QTMAN: variants seen among roughly 807,000 people sequenced by gnomAD.
QTMAN encodes the protein queuosine-tRNA mannosyltransferase.
At chr2:144,005,094 G>A in the QTMAN span, among the ~76,000 whole-genome samples, 1 of 151,944 alleles carries the variant, frequency 6.6e-6, no homozygotes, top group Admixed American at 6.6e-5. Flanking sequence ...GGCTCGCTTA[G>A]GTAATGGCAA....
At chr2:143,943,927 G>A in the QTMAN span, 1 of 152,136 alleles carries the variant, frequency 6.6e-6, no homozygotes, top group African/African-American at 2.4e-5. Context: ...TAAGTTTAGG[G>A]CAAGCTGTAT....
At chr2:144,031,168 T>A in the QTMAN span, among the ~76,000 whole-genome samples, 2 of 151,782 alleles carry the variant, frequency 1.3e-5, no homozygotes, top group African/African-American at 4.9e-5. Flanking sequence ...ACAATTGATC[T>A]GGGATGGGGC....
the QTMAN span, among the ~76,000 whole-genome samples, chr2:144,298,853 G>A: frequency 1.8e-4 from 27 of 152,152 alleles, no homozygotes; most frequent in Non-Finnish European, 1.8e-4. Flanking sequence ...CTCTTCCAAT[G>A]GTATACTCCT....
At chr2:144,031,339 C>T in the QTMAN span, among the ~76,000 whole-genome samples, 1 of 152,002 alleles carries the variant, frequency 6.6e-6, no homozygotes, top group Non-Finnish European at 1.5e-5. Flanking sequence ...AGGCCATAAC[C>T]TCAGAAGAGA....
At chr2:144,163,312 C>T in the QTMAN span, among the ~76,000 whole-genome samples, 1 of 151,634 alleles carries the variant, frequency 6.6e-6, no homozygotes. Flanking sequence ...AAAATATTAA[C>T]AATAAAACTT....
the QTMAN span, among the ~76,000 whole-genome samples, chr2:144,019,435 G>GGTGTGTGTGTGT: frequency 0.031 from 3,668 of 117,112 alleles, 115 homozygotes; most frequent in East Asian, 0.045. Context: ...TAAGCATGCA[G>GGTGTGTGTGTGT]GTGTGTGTGT....
At chr2:144,252,987 A>C in the QTMAN span, among the ~76,000 whole-genome samples, 1 of 152,144 alleles carries the variant, frequency 6.6e-6, no homozygotes, top group African/African-American at 2.4e-5. Flanking sequence ...CTCTCAACTA[A>C]ATCTCATCTT....
the QTMAN span, chr2:143,945,979 A>G: frequency 6.6e-6 from 1 of 152,258 alleles, no homozygotes; most frequent in Non-Finnish European, 1.5e-5. Flanking sequence ...ACACATAGGT[A>G]GATGTATACA....
chr2:143,945,307 G>C, the QTMAN span: 1 of 152,152 alleles, frequency 6.6e-6, no homozygotes, highest in African/African-American at 2.4e-5. Context: ...TTGTTTTCTG[G>C]GTGACGAGGT....
chr2:143,938,492 T>C, the QTMAN span: 1 of 152,246 alleles, frequency 6.6e-6, no homozygotes, highest in African/African-American at 2.4e-5. Flanking sequence ...CTCTTGTTGC[T>C]GGGCCGGTTT....
At chr2:143,987,146 C>T in the QTMAN span, among the ~76,000 whole-genome samples, 1 of 152,166 alleles carries the variant, frequency 6.6e-6, no homozygotes, top group African/African-American at 2.4e-5. Context: ...GAGTCCTGGG[C>T]TCTGGCACAA....
At chr2:144,092,951 C>A in the QTMAN span, among the ~76,000 whole-genome samples, 1 of 146,408 alleles carries the variant, frequency 6.8e-6, no homozygotes, top group South Asian at 2.2e-4. Flanking sequence ...CAGGAATAAA[C>A]AACATATGAA....
chr2:144,299,981 G>A, the QTMAN span, among the ~76,000 whole-genome samples: 2 of 152,348 alleles, frequency 1.3e-5, no homozygotes, highest in Non-Finnish European at 2.9e-5. Context: ...AATGAACCTT[G>A]AAGACATTAT....
chr2:144,175,308 T>C, the QTMAN span, among the ~76,000 whole-genome samples: 2 of 152,128 alleles, frequency 1.3e-5, no homozygotes, highest in African/African-American at 2.4e-5. Context: ...ACCTAGGTTG[T>C]AACTATAGAA....
At chr2:144,074,168 AT>A in the QTMAN span, among the ~76,000 whole-genome samples, 2 of 152,334 alleles carry the variant, frequency 1.3e-5, no homozygotes, top group South Asian at 4.1e-4. Flanking sequence ...CAATTATAAA[AT>A]TGCATGAGTT....
chr2:143,982,059 A>T, the QTMAN span, among the ~76,000 whole-genome samples: 1 of 152,184 alleles, frequency 6.6e-6, no homozygotes, highest in South Asian at 2.1e-4. Context: ...AAATACTTAC[A>T]TGGAAAAGAA....
At chr2:144,159,583 T>C in the QTMAN span, among the ~76,000 whole-genome samples, 60 of 152,178 alleles carry the variant, frequency 3.9e-4, no homozygotes, top group East Asian at 0.011. Flanking sequence ...ATGGAATAGC[T>C]GAGATGAAGT....
At chr2:143,947,238 G>A in the QTMAN span, 19 of 792,164 alleles carry the variant, frequency 2.4e-5, no homozygotes, top group East Asian at 2.1e-4. Flanking sequence ...CATCACTTAC[G>A]TCAATTACAT....
chr2:143,944,364 T>C, the QTMAN span: 6 of 152,194 alleles, frequency 3.9e-5, no homozygotes, highest in African/African-American at 1.4e-4. Flanking sequence ...ATAAGGTTTT[T>C]CTTTAAACTC....
Sources: gnomAD v4.1 joint callset for allele counts (sites outside exome capture counted in the v4.1 genomes callset) on GRCh38, gnomAD v4.1.1 for gene constraint, MANE v1.5 for transcripts, NCBI Gene and HGNC (gene_info 2026-07-23, HGNC 2026-07-21) for gene names.